CASZ1: variants seen among roughly 807,000 people sequenced by gnomAD.
CASZ1 encodes the protein zinc finger protein castor homolog 1.
Under a neutral mutation model 135.2 loss-of-function variants are expected in CASZ1, and 28 were observed. The observed-to-expected ratio is 0.21, with a 90% CI of 0.15 to 0.28. The LOEUF (loss-of-function observed/expected upper bound fraction) is 0.28. Among genes scored for constraint, CASZ1 ranks in the 10% least tolerant of loss-of-function variants. The pLI, the probability that CASZ1 is intolerant of heterozygous loss-of-function variation, is 1.00. For missense variants in CASZ1, 2,161 were observed against 2,453.3 expected, an observed-to-expected ratio of 0.88 and a Z score of 2.52; for synonymous variants, 1,068 against 1,073.4, an observed-to-expected ratio of 0.99 and a Z score of 0.10.
At chr1:10,738,940 T>TC (rs1275668092) in intron 2 of CASZ1, among the ~76,000 whole-genome samples, 1 of 149,546 alleles carries the variant, frequency 6.7e-6, no homozygotes, top group East Asian at 1.9e-4. Context: ...TTTTTTTTTT[T>TC]TTTTCACTTT....
At chr1:10,662,155 A>G (rs1643057340) in intron 5 of CASZ1, among the ~76,000 whole-genome samples, 2 of 151,256 alleles carry the variant, frequency 1.3e-5, no homozygotes, top group Admixed American at 6.6e-5. Context: ...ACACACCTAC[A>G]CACAGTCACA....
chr1:10,647,245 C>T lies in CASZ1; in HGVS notation c.3497+556G>A, dbSNP rs949246194. The T allele has an allele frequency of 1.0e-6, 1 of 991,986 alleles. No individual in the cohort carries two copies. Among genetic ancestry groups the T allele is most frequent in the East Asian group, 1.1e-4 (1 of 8,868 alleles). 61.4% of individuals were successfully genotyped at this position (991,986 alleles called of 1,614,324 possible). ...TCCAATTTATTACTTTTATTGAGAA[C>T]AGGAAGCCGCACACATGACAATACA... On this transcript the variant is annotated intron_variant, in intron 16 of 20. Coordinates refer to ENST00000377022, the MANE Select transcript of CASZ1 (RefSeq NM_001079843.3). The surrounding 1 kb of genome is among the most constrained non-coding windows in gnomAD (Gnocchi z 4.9).
rs185571750 is a variant in CASZ1 at position 10,657,363 on chromosome 1, C to T, written c.1410-627G>A. Among the ~76,000 whole-genome samples the T allele has an allele frequency of 6.8e-3, 1,029 of 152,218 alleles. 17 individuals carry two copies. Among genetic ancestry groups the T allele is most frequent in the African/African-American group, 0.023 (974 of 41,532 alleles). On this transcript the variant is annotated intron_variant, in intron 7 of 20. Transcript: ENST00000377022. The surrounding 1 kb of genome is among the most constrained non-coding windows in gnomAD (Gnocchi z 5.7). ...TCCCACAGCCTCGGTGACGGCCGGC[C>T]GTGGGGAGGCCACTCTGGAGAGGCC...
At position 10,756,634 on chromosome 1, in the gene CASZ1, G is replaced by A. The variant is rs536385163; in HGVS notation, c.-77+4067C>T. On this transcript the variant is annotated intron_variant, in intron 2 of 20. Transcript: ENST00000377022. The surrounding 1 kb of genome is among the most constrained non-coding windows in gnomAD (Gnocchi z 5.9). ...TCACAGATGGTGTCAGGACCCAGGA[G>A]AGTGGAGCCTCATGTCAGAGGCACT... is the stretch of plus-strand genomic sequence containing the variant. Among the ~76,000 whole-genome samples, 61 of 152,370 alleles carry A rather than the reference G, an allele frequency of 4.0e-4. No homozygotes were observed. The highest frequency in any genetic ancestry group is 1.5e-3 in the African/African-American group (61 of 41,588).
intron 1 of CASZ1, among the ~76,000 whole-genome samples, chr1:10,765,481 C>T (rs1347505978): frequency 6.6e-6 from 1 of 152,136 alleles, no homozygotes; most frequent in African/African-American, 2.4e-5. Flanking sequence ...CTGCATTTTT[C>T]ATCTGTGATC....
rs1382283586 is a variant in CASZ1 at position 10,649,528 on chromosome 1, T to G, written c.2881-91A>C. 3 of 1,421,786 alleles carry G rather than the reference T, an allele frequency of 2.1e-6. No homozygotes were observed. The African/African-American group carries it at 4.3e-5, about 20-fold the overall frequency. 88.1% of individuals were successfully genotyped at this position (1,421,786 alleles called of 1,614,324 possible). ...AGCAACAGCCGAAGCTCTGGGCTGC[T>G]GGGACCCACCCAGCCCTCAGAGCCA... On this transcript the variant is annotated intron_variant, in intron 13 of 20. Transcript: ENST00000377022.
chr1:10,729,383 C>T (rs1023419496), intron 2 of CASZ1, among the ~76,000 whole-genome samples: 1 of 152,192 alleles, frequency 6.6e-6, no homozygotes, highest in Admixed American at 6.5e-5. Flanking sequence ...GCTCCTCTCC[C>T]TCTCCCCGGC....
chr1:10,738,930 T>G (rs896865693), intron 2 of CASZ1, among the ~76,000 whole-genome samples: 11 of 149,444 alleles, frequency 7.4e-5, no homozygotes, highest in South Asian at 2.2e-4. Context: ...TTTTTTTTTT[T>G]TTTTTTTTTT....
chr1:10,665,874 C>A (rs988541093), intron 4 of CASZ1, among the ~76,000 whole-genome samples: 1 of 152,180 alleles, frequency 6.6e-6, no homozygotes, highest in African/African-American at 2.4e-5. Context: ...CTACAAGGGG[C>A]GCCCAGGTCC....
At chr1:10,656,334 A>C (rs528930758) in intron 8 of CASZ1, among the ~76,000 whole-genome samples, 25 of 152,192 alleles carry the variant, frequency 1.6e-4, no homozygotes, top group Non-Finnish European at 3.7e-4. Context: ...GGCCACTGCA[A>C]AGAGTCAATT....
At position 10,759,337 on chromosome 1, in the gene CASZ1, C is replaced by T. The variant is rs1482500218; in HGVS notation, c.-77+1364G>A. Among the ~76,000 whole-genome samples, 2 of 152,114 alleles carry T rather than the reference C, an allele frequency of 1.3e-5. No homozygotes were observed. The highest frequency in any genetic ancestry group is 2.4e-5 in the African/African-American group (1 of 41,426). ...TAACGCCAAGCCCAGAAGACTTCAG[C>T]GCCACGAAACTCCCCCCACGGCCTT... On this transcript the variant is annotated intron_variant, in intron 2 of 20. Coordinates refer to ENST00000377022, the MANE Select transcript of CASZ1 (RefSeq NM_001079843.3). This position sits in a 1 kb window ranked among gnomAD's most constrained non-coding sequence, Gnocchi z 4.2.
rs1640489415 is a variant in CASZ1, at chr1:10,767,046, T to A, written c.-233-6189A>T. Reference sequence around the variant, plus strand: ...GAGTGGTGGGACCTAGACTCGCTCTTCCCAAACTTCAGAAGGAAAACAGAA... The same window carrying A: ...GAGTGGTGGGACCTAGACTCGCTCTACCCAAACTTCAGAAGGAAAACAGAA... On this transcript the variant is annotated intron_variant, in intron 1 of 20. Transcript: ENST00000377022. The surrounding 1 kb of genome is among the most constrained non-coding windows in gnomAD (Gnocchi z 4.2). Among the ~76,000 whole-genome samples, 1 of 152,210 alleles carries A rather than the reference T, an allele frequency of 6.6e-6. No homozygotes were observed. The highest frequency in any genetic ancestry group is 6.5e-5 in the Admixed American group (1 of 15,280).
intron 2 of CASZ1, among the ~76,000 whole-genome samples, chr1:10,751,348 G>T (rs1373575473): frequency 6.6e-6 from 1 of 152,042 alleles, no homozygotes; most frequent in African/African-American, 2.4e-5. Context: ...CAGAGTAGCC[G>T]ACAGAGGGCA....
In CASZ1 at chr1:10,707,845, C is replaced by T. The variant is rs488834; in HGVS notation, c.-76-2301G>A. ...AGCACATCTGGGACCTGGTAGCTGACGTAGTTAAGGAAGGATTCTCCAAGG... is the reference window on the plus strand; with the variant it reads ...AGCACATCTGGGACCTGGTAGCTGATGTAGTTAAGGAAGGATTCTCCAAGG... On this transcript the variant is annotated intron_variant, in intron 2 of 20. Coordinates refer to ENST00000377022, the MANE Select transcript of CASZ1 (RefSeq NM_001079843.3). This position sits in a 1 kb window ranked among gnomAD's most constrained non-coding sequence, Gnocchi z 5.0. 0.67 allele frequency among the ~76,000 whole-genome samples: 101,285 copies of T among 151,962 alleles called. 34,908 individuals carry two copies. Among genetic ancestry groups the T allele is most frequent in the Non-Finnish European group, 0.76 (51,597 of 67,972 alleles).
chr1:10,670,763 C>T (rs1643372888), intron 4 of CASZ1, among the ~76,000 whole-genome samples: 1 of 152,208 alleles, frequency 6.6e-6, no homozygotes, highest in Admixed American at 6.5e-5. Context: ...GGCATCTACC[C>T]CTCCTCCCTC....
At chr1:10,792,143 C>T (rs1178237604) in intron 1 of CASZ1, among the ~76,000 whole-genome samples, 1 of 144,778 alleles carries the variant, frequency 6.9e-6, no homozygotes, top group Non-Finnish European at 1.5e-5. Context: ...AAAAGAGAAC[C>T]AGGGTGGCAG....
At chr1:10,664,041 A>C (rs921637094) in intron 5 of CASZ1, among the ~76,000 whole-genome samples, 4 of 152,254 alleles carry the variant, frequency 2.6e-5, no homozygotes, top group African/African-American at 4.8e-5. Context: ...CTATCAGAGG[A>C]AACTGAAGGT....
chr1:10,663,382 G>A (rs1050605640), intron 5 of CASZ1, among the ~76,000 whole-genome samples: 7 of 150,888 alleles, frequency 4.6e-5, no homozygotes, highest in Non-Finnish European at 1.5e-5. Flanking sequence ...CACCCAGGGT[G>A]CACAGAGGGA....
chr1:10,713,819 C>A (rs1317092283), intron 2 of CASZ1, among the ~76,000 whole-genome samples: 1 of 152,244 alleles, frequency 6.6e-6, no homozygotes, highest in Non-Finnish European at 1.5e-5. Flanking sequence ...GCATTGCTGG[C>A]CGCCCCTGTG....
Sources: allele counts gnomAD v4.1 joint callset (sites outside exome capture counted in the v4.1 genomes callset), GRCh38; gene constraint gnomAD v4.1.1; non-coding constraint Gnocchi (gnomAD v3.1); transcripts MANE v1.5; gene names NCBI Gene and HGNC (gene_info 2026-07-23, HGNC 2026-07-21).